RAP1GAP2: variants seen among roughly 807,000 people sequenced by gnomAD.
RAP1GAP2 encodes the protein rap1 GTPase-activating protein 2.
In RAP1GAP2, 27 loss-of-function variants were observed where a neutral mutation model predicts 95.0. The ratio of observed to expected loss-of-function variants is 0.28; its 90% CI spans 0.21 to 0.39. The LOEUF (loss-of-function observed/expected upper bound fraction) is 0.39. Among genes scored for constraint, RAP1GAP2 ranks in the 10% least tolerant of loss-of-function variants. The pLI, the probability that RAP1GAP2 is intolerant of heterozygous loss-of-function variation, is 1.00. For synonymous variants in RAP1GAP2, 373 were observed against 380.9 expected (o/e 0.98, Z 0.24); for missense variants, 771 against 970.0 (o/e 0.79, Z 2.72).
chr17:2,873,680 GA>G (rs781760855), intron 2 of RAP1GAP2, among the ~76,000 whole-genome samples: 7 of 152,102 alleles, frequency 4.6e-5, no homozygotes, highest in Admixed American at 2.0e-4. Flanking sequence ...TTGGGGTGAT[GA>G]AAAAGTTATG....
At chr17:2,872,265 T>C (rs2072877041) in intron 2 of RAP1GAP2, among the ~76,000 whole-genome samples, 1 of 132,014 alleles carries the variant, frequency 7.6e-6, no homozygotes, top group African/African-American at 2.7e-5. Context: ...TGCATCAGCC[T>C]AAAATGAGTG....
At chr17:2,960,297 C>T (rs2044265610) in intron 4 of RAP1GAP2, among the ~76,000 whole-genome samples, 1 of 152,084 alleles carries the variant, frequency 6.6e-6, no homozygotes, top group South Asian at 2.1e-4. Flanking sequence ...TGTTCCCAGA[C>T]AGGGATGACT....
intron 1 of RAP1GAP2, among the ~76,000 whole-genome samples, chr17:2,782,182 CCT>C (rs1164874439): frequency 1.3e-5 from 2 of 152,188 alleles, no homozygotes; most frequent in Non-Finnish European, 2.9e-5. Context: ...CCTGTTTCTC[CCT>C]CTGTCTGAGG....
intron 1 of RAP1GAP2, 78 bp from the exon 2 acceptor site, chr17:2,800,436 CG>C: frequency 9.5e-7 from 1 of 1,053,308 alleles, no homozygotes. Context: ...TGGGCTGTCC[CG>C]GGGACTCCTC....
chr17:2,786,640 ATT>A (rs35938193), intron 1 of RAP1GAP2, among the ~76,000 whole-genome samples: 10,290 of 144,744 alleles, frequency 0.071, 524 homozygotes, highest in South Asian at 0.21. Context: ...TTTTTCTTCA[ATT>A]TTTTTTTTTT....
intron 2 of RAP1GAP2, among the ~76,000 whole-genome samples, chr17:2,886,299 A>G (rs2073504393): frequency 6.6e-6 from 1 of 151,232 alleles, no homozygotes; most frequent in Non-Finnish European, 1.5e-5. Context: ...CAGCCTCTCG[A>G]GTAGCTGGTA....
At chr17:2,924,204 G>C (rs1050868677) in intron 3 of RAP1GAP2, among the ~76,000 whole-genome samples, 1 of 152,080 alleles carries the variant, frequency 6.6e-6, no homozygotes, top group South Asian at 2.1e-4. Flanking sequence ...GTGCAGTCTG[G>C]GAACTTTGAG....
At chr17:3,009,058 C>G (rs942775966) in intron 17 of RAP1GAP2, among the ~76,000 whole-genome samples, 2 of 152,078 alleles carry the variant, frequency 1.3e-5, no homozygotes, top group African/African-American at 4.8e-5. Context: ...ATGTGTGGGA[C>G]TTTATGGGGA....
chr17:3,013,622 CTTTT>C (rs1164675670), intron 17 of RAP1GAP2, among the ~76,000 whole-genome samples: 2 of 68,560 alleles, frequency 2.9e-5, no homozygotes, highest in African/African-American at 1.3e-4. Context: ...TTTTTCTTTT[CTTTT>C]CTTTTCTTTT....
intron 2 of RAP1GAP2, among the ~76,000 whole-genome samples, chr17:2,879,217 G>T (rs939247196): frequency 6.6e-6 from 1 of 151,740 alleles, no homozygotes; most frequent in Non-Finnish European, 1.5e-5. Context: ...CCCGGTTCAA[G>T]TGATTTTCCT....
chr17:2,764,734 TAAAA>T (rs1183411714), intron 1 of RAP1GAP2, among the ~76,000 whole-genome samples: 2 of 151,526 alleles, frequency 1.3e-5, no homozygotes, highest in Non-Finnish European at 2.9e-5. Context: ...AATAAATAAA[TAAAA>T]AAATAAAAAT....
chr17:2,778,828 G>A (rs978761339), intron 1 of RAP1GAP2, among the ~76,000 whole-genome samples: 1 of 152,210 alleles, frequency 6.6e-6, no homozygotes. Flanking sequence ...AGAGGGAGGG[G>A]AAGCAACAAT....
At chr17:2,967,083 T>C (rs2044634322) in intron 8 of RAP1GAP2, among the ~76,000 whole-genome samples, 1 of 152,184 alleles carries the variant, frequency 6.6e-6, no homozygotes, top group Non-Finnish European at 1.5e-5. Flanking sequence ...GAAAGCAGTG[T>C]TGTGGCCAGG....
At chr17:2,819,720 G>A (rs1189568815) in intron 2 of RAP1GAP2, among the ~76,000 whole-genome samples, 5 of 151,914 alleles carry the variant, frequency 3.3e-5, no homozygotes, top group South Asian at 4.2e-4. Flanking sequence ...CACCTGCCTC[G>A]GCCTCCCAAA....
intron 2 of RAP1GAP2, among the ~76,000 whole-genome samples, chr17:2,810,183 C>A (rs536674494): frequency 6.6e-6 from 1 of 151,986 alleles, no homozygotes; most frequent in Admixed American, 6.6e-5. Flanking sequence ...GTGGACCTTG[C>A]GAGCTTTGTC....
chr17:2,836,713 A>G (rs73976600), intron 2 of RAP1GAP2, among the ~76,000 whole-genome samples: 7,219 of 152,190 alleles, frequency 0.047, 515 homozygotes, highest in African/African-American at 0.15. Context: ...AGACAGCATC[A>G]TCGGACCATC....
intron 2 of RAP1GAP2, among the ~76,000 whole-genome samples, chr17:2,861,655 G>T (rs1049998687): frequency 6.6e-6 from 1 of 150,716 alleles, no homozygotes; most frequent in Non-Finnish European, 1.5e-5. Context: ...TTTTTTGGGG[G>T]GGGGGACGGA....
At chr17:3,030,599 G>T (rs2047261172) in intron 22 of RAP1GAP2, among the ~76,000 whole-genome samples, 1 of 152,204 alleles carries the variant, frequency 6.6e-6, no homozygotes, top group African/African-American at 2.4e-5. Flanking sequence ...ATAGACGTAA[G>T]AGCACAGATA....
At chr17:2,979,163 C>T (rs968727771) in intron 8 of RAP1GAP2, among the ~76,000 whole-genome samples, 1 of 152,052 alleles carries the variant, frequency 6.6e-6, no homozygotes, top group South Asian at 2.1e-4. Context: ...TCAGTAAAAT[C>T]CAGCATTTTC....
Sources: allele counts gnomAD v4.1 joint callset (sites outside exome capture counted in the v4.1 genomes callset), GRCh38; gene constraint gnomAD v4.1.1; transcripts MANE v1.5; gene names NCBI Gene and HGNC (gene_info 2026-07-23, HGNC 2026-07-21).